Variants in STX8 observed in about 807,000 individuals in gnomAD.
STX8 encodes the protein syntaxin-8.
STX8 carries 23 observed loss-of-function variants against 37.5 expected under a neutral mutation model. The ratio of observed to expected loss-of-function variants is 0.61; its 90% CI spans 0.44 to 0.87. The LOEUF is 0.87. Among genes scored for constraint, STX8 ranks in the 40% least tolerant of loss-of-function variants. The pLI is 0.00. For missense variants in STX8, 313 were observed against 284.7 expected (o/e 1.10, Z -0.71); for synonymous variants, 115 against 99.1 (o/e 1.16, Z -0.95).
At chr17:9,557,112 T>C (rs1907011538) in intron 3 of STX8, 1 of 200,816 alleles carries the variant, frequency 5.0e-6, no homozygotes, top group South Asian at 1.1e-4. Context: ...GAGCAGTAGC[T>C]AGCCATGGTC....
At chr17:9,381,243 T>G (rs1911806553) in intron 6 of STX8, among the ~76,000 whole-genome samples, 1 of 148,112 alleles carries the variant, frequency 6.8e-6, no homozygotes, top group Non-Finnish European at 1.5e-5. Context: ...TATTTTTCAT[T>G]TTGTTTTTTT....
At chr17:9,566,092 G>A (rs1297307812) in intron 2 of STX8, among the ~76,000 whole-genome samples, 1 of 152,078 alleles carries the variant, frequency 6.6e-6, no homozygotes, top group Non-Finnish European at 1.5e-5. Context: ...TATCTATAAG[G>A]AACTTAAGCA....
At chr17:9,315,197 C>T (rs1409752899) in intron 7 of STX8, among the ~76,000 whole-genome samples, 1 of 152,036 alleles carries the variant, frequency 6.6e-6, no homozygotes, top group Non-Finnish European at 1.5e-5. Context: ...GAGTTCCTGG[C>T]CATGACAGGA....
intron 6 of STX8, among the ~76,000 whole-genome samples, chr17:9,486,963 C>T (rs549511615): frequency 6.6e-6 from 1 of 152,130 alleles, no homozygotes; most frequent in Non-Finnish European, 1.5e-5. Flanking sequence ...TTTGTGGCTG[C>T]ATGAGGGGAC....
chr17:9,378,926 C>CT (rs1911696077), intron 6 of STX8, among the ~76,000 whole-genome samples: 1 of 152,108 alleles, frequency 6.6e-6, no homozygotes, highest in African/African-American at 2.4e-5. Context: ...GAATTTATGC[C>CT]TAGCCAAGCT....
chr17:9,531,714 C>T lies in STX8; in HGVS notation c.323+13458G>A, dbSNP rs115802864. Among the ~76,000 whole-genome samples, 392 of 152,216 alleles carry T rather than the reference C, an allele frequency of 2.6e-3. 2 individuals carry two copies. Among genetic ancestry groups the T allele is most frequent in the African/African-American group, 8.9e-3 (371 of 41,538 alleles). ...CTCTGCCCTTAAGCAGGGGACTACT[C>T]TTTATTTATCTCTTCAGCTTTACTT... is the stretch of plus-strand genomic sequence containing the variant. On this transcript the variant is annotated intron_variant, in intron 4 of 7. Coordinates refer to ENST00000306357, the MANE Select transcript of STX8 (RefSeq NM_004853.3).
In STX8 at chr17:9,386,244, T is replaced by C. The variant is rs562735553; in HGVS notation, c.542-7591A>G. Among the ~76,000 whole-genome samples the C allele has an allele frequency of 2.6e-5, 4 of 152,274 alleles. No homozygotes were observed. In the South Asian group the frequency reaches 6.2e-4, roughly 24 times the overall value. ...GGGTATATCTGTTAATGGAATACTA[T>C]TCGGCAATAGAAAGCATGAGCTACT... is the stretch of plus-strand genomic sequence containing the variant. On this transcript the variant is annotated intron_variant, in intron 6 of 7. Transcript: ENST00000306357.
chr17:9,317,771 GAAAA>G (rs201309652), intron 7 of STX8, among the ~76,000 whole-genome samples: 3 of 91,982 alleles, frequency 3.3e-5, no homozygotes, highest in Non-Finnish European at 7.1e-5. Context: ...CTCAGAAAAA[GAAAA>G]AAAAAAAAAA....
In STX8 at chr17:9,575,782, C is replaced by A. The variant is rs567779012; in HGVS notation, c.17+10G>T. 1.2e-5 allele frequency: 18 copies of A among 1,544,246 alleles called. No individual in the cohort carries two copies. The African/African-American group carries it at 2.2e-4, about 19-fold the overall frequency. On this transcript the variant is annotated intron_variant, in intron 1 of 7. Transcript: ENST00000306357. ...CCCTCCACGCACCGCCGCCCTCACC[C>A]GGGACTCACCAGGGGTCCGGTGCCA...
At chr17:9,437,719 T>G (rs951245436) in intron 6 of STX8, 8 of 152,212 alleles carry the variant, frequency 5.3e-5, no homozygotes, top group Non-Finnish European at 1.5e-5. Flanking sequence ...TATAAGCAAT[T>G]CAGTGTCTGG....
At position 9,545,232 on chromosome 17, in the gene STX8, G is replaced by A. The variant is rs1906455381; in HGVS notation, c.263C>T (p.Thr88Ile). 5.0e-6 allele frequency: 8 copies of A among 1,614,132 alleles called. No individual in the cohort carries two copies. The highest frequency in any genetic ancestry group is 6.8e-6 in the Non-Finnish European group (8 of 1,180,024). The change falls in exon 4 of 8, where the codon ACT becomes ATT. Residue 88 changes from threonine to isoleucine, a missense_variant. By Grantham distance (89) the Thr-to-Ile change is moderately conservative. Transcript: ENST00000306357. ...GGATGCCAGAAGTAGTCTCTCTCGA[G>A]TTACAAGATCATCCAAGAGGTTCTG... The part of the protein sequence containing the change: ...RRQNLLDDLV[T>I]RERLLLASFK...
At chr17:9,497,210 A>C (rs1904440275) in intron 5 of STX8, among the ~76,000 whole-genome samples, 1 of 152,194 alleles carries the variant, frequency 6.6e-6, no homozygotes, top group Admixed American at 6.5e-5. Context: ...AAGAAACTTA[A>C]GAGACATAAC....
chr17:9,508,241 C>T (rs1904907239), intron 4 of STX8, among the ~76,000 whole-genome samples: 1 of 152,124 alleles, frequency 6.6e-6, no homozygotes, highest in South Asian at 2.1e-4. Flanking sequence ...AAGAACAAAA[C>T]AGGTATCCTG....
At chr17:9,569,309 TAAG>T (rs1907587764) in intron 1 of STX8, among the ~76,000 whole-genome samples, 1 of 152,226 alleles carries the variant, frequency 6.6e-6, no homozygotes, top group Non-Finnish European at 1.5e-5. Context: ...TGATAGGTGC[TAAG>T]AAGAAAAACG....
intron 5 of STX8, among the ~76,000 whole-genome samples, chr17:9,492,477 T>C (rs982496708): frequency 1.3e-5 from 2 of 152,220 alleles, no homozygotes; most frequent in African/African-American, 4.8e-5. Context: ...ATTTCTCAAG[T>C]GTAGACTGTG....
intron 7 of STX8, among the ~76,000 whole-genome samples, chr17:9,370,774 T>C (rs776063377): frequency 6.6e-5 from 10 of 152,214 alleles, no homozygotes; most frequent in Non-Finnish European, 1.0e-4. Flanking sequence ...CTATTTTGAA[T>C]TCTAATGAGG....
At chr17:9,260,621 C>A (rs1906977884) in intron 7 of STX8, among the ~76,000 whole-genome samples, 1 of 149,254 alleles carries the variant, frequency 6.7e-6, no homozygotes, top group Admixed American at 6.6e-5. Flanking sequence ...GAGACTCCGT[C>A]TCAGAAAAAC....
chr17:9,315,156 C>CAAA (rs1440522974), intron 7 of STX8, among the ~76,000 whole-genome samples: 2 of 146,006 alleles, frequency 1.4e-5, no homozygotes, highest in Non-Finnish European at 3.0e-5. Context: ...AAGAAAAAAA[C>CAAA]AAAAACAAAA....
rs755956281 is a variant in STX8 at position 9,418,805 on chromosome 17, C to T, written c.542-40152G>A. Among the ~76,000 whole-genome samples the T allele has an allele frequency of 2.8e-4, 31 of 110,972 alleles. 1 individual carries two copies. The highest frequency in any genetic ancestry group is 1.0e-3 in the East Asian group (4 of 3,842). 72.8% of individuals were successfully genotyped at this position (110,972 alleles called of 152,430 possible). A position where few individuals can be genotyped will look rare whatever the true frequency, so the allele number is the denominator to read the frequency against. On this transcript the variant is annotated intron_variant, in intron 6 of 7. Coordinates refer to ENST00000306357, the MANE Select transcript of STX8 (RefSeq NM_004853.3). ...TCACGCCACTGCACTCTAGCCTGGG[C>T]GACAGAGCAAGACTCCGTCTCAAAA...
Sources: allele counts gnomAD v4.1 joint callset (sites outside exome capture counted in the v4.1 genomes callset), GRCh38; gene constraint gnomAD v4.1.1; transcripts MANE v1.5; gene names NCBI Gene and HGNC (gene_info 2026-07-23, HGNC 2026-07-21).